OR3A2: variants seen among roughly 807,000 people sequenced by gnomAD.
OR3A2 encodes olfactory receptor family 3 subfamily A member 2, also known as olfactory receptor 3A2.
For missense variants in OR3A2, 318 were observed against 392.8 expected (o/e 0.81, Z 1.61); for synonymous variants, 126 against 159.3 (o/e 0.79, Z 1.57).
At position 3,297,243 on chromosome 17, in the gene OR3A2, C is replaced by T. The variant is rs143646739; in HGVS notation, c.-84-18090G>A. ...TGTATCACCCTCTGAGTCTAATCAT[C>T]GACTTAAAAATCATTCACTATAAAT... On this transcript the variant is annotated intron_variant, in intron 3 of 4. Transcript: ENST00000573491. 3.9e-5 allele frequency among the ~76,000 whole-genome samples: 6 copies of T among 152,234 alleles called. 1 individual carries two copies. In the East Asian group the frequency reaches 7.7e-4, roughly 20 times the overall value.
intron 3 of OR3A2, among the ~76,000 whole-genome samples, chr17:3,289,754 C>T (rs1170761778): frequency 1.3e-5 from 2 of 152,142 alleles, no homozygotes; most frequent in South Asian, 4.1e-4. Context: ...TCAAGCGTGT[C>T]GTGAATGAGA....
intron 3 of OR3A2, among the ~76,000 whole-genome samples, chr17:3,325,192 AG>A (rs2049160930): frequency 6.7e-6 from 1 of 148,216 alleles, no homozygotes; most frequent in Non-Finnish European, 1.5e-5. Flanking sequence ...TTGTGTTCAA[AG>A]ATCCTTCCAA....
chr17:3,281,022 C>T (rs781226958), intron 1 of OR3A2, among the ~76,000 whole-genome samples: 1 of 152,036 alleles, frequency 6.6e-6, no homozygotes, highest in Non-Finnish European at 1.5e-5. Flanking sequence ...AGCAAGAAGC[C>T]GGCATTATCA....
chr17:3,283,262 T>C (rs2048788186), intron 1 of OR3A2, among the ~76,000 whole-genome samples: 1 of 152,118 alleles, frequency 6.6e-6, no homozygotes, highest in Non-Finnish European at 1.5e-5. Context: ...TTTTGCTCTT[T>C]TTGCCCAGGC....
At chr17:3,285,737 G>A (rs1441445018), upstream of OR3A2, among the ~76,000 whole-genome samples, 6 of 152,150 alleles carry the variant, frequency 3.9e-5, no homozygotes, top group East Asian at 5.8e-4. Flanking sequence ...GCAGTGAGCC[G>A]TGATCGCACC....
upstream of OR3A2, among the ~76,000 whole-genome samples, chr17:3,287,181 T>C (rs1410946768): frequency 6.6e-6 from 1 of 152,198 alleles, no homozygotes; most frequent in Non-Finnish European, 1.5e-5. Context: ...GATGGGGACA[T>C]CACTCAAATA....
chr17:3,375,513 GCTGGTCTCAAA>G (rs1465901503), intron 2 of OR3A2, among the ~76,000 whole-genome samples: 1 of 151,742 alleles, frequency 6.6e-6, no homozygotes, highest in Non-Finnish European at 1.5e-5. Context: ...TGATGGTCAG[GCTGGTCTCAAA>G]CTCCTCACCT....
chr17:3,324,003 C>T (rs1334575874), intron 3 of OR3A2, among the ~76,000 whole-genome samples: 1 of 152,114 alleles, frequency 6.6e-6, no homozygotes, highest in Non-Finnish European at 1.5e-5. Flanking sequence ...ACCAATCAGA[C>T]ATAGATTTGG....
chr17:3,322,891 T>C (rs1175977740), intron 3 of OR3A2, among the ~76,000 whole-genome samples: 5 of 152,038 alleles, frequency 3.3e-5, no homozygotes, highest in African/African-American at 7.3e-5. Context: ...ATTAGGTCCG[T>C]TTGGTGCAGA....
intron 2 of OR3A2, among the ~76,000 whole-genome samples, chr17:3,360,431 A>G (rs1226381402): frequency 6.6e-6 from 1 of 151,582 alleles, no homozygotes; most frequent in Non-Finnish European, 1.5e-5. Flanking sequence ...ATTAGATCCC[A>G]GTTGTCAATT....
chr17:3,343,245 C>T (rs748709338), intron 2 of OR3A2, among the ~76,000 whole-genome samples: 6 of 152,218 alleles, frequency 3.9e-5, no homozygotes, highest in Non-Finnish European at 5.9e-5. Context: ...TGCTTCGGCT[C>T]ACCCTCTGTG....
intron 3 of OR3A2, among the ~76,000 whole-genome samples, chr17:3,309,097 G>T (rs1248736557): frequency 6.6e-6 from 1 of 151,994 alleles, no homozygotes; most frequent in East Asian, 1.9e-4. Flanking sequence ...GTAGAGACGG[G>T]GTTTCACCAT....
chr17:3,313,639 G>A (rs1232901622), intron 3 of OR3A2, among the ~76,000 whole-genome samples: 1 of 152,206 alleles, frequency 6.6e-6, no homozygotes, highest in Non-Finnish European at 1.5e-5. Context: ...AACCACGGGT[G>A]CTCACTTAGG....
chr17:3,330,608 C>G (rs2049223098), intron 3 of OR3A2, among the ~76,000 whole-genome samples: 1 of 152,010 alleles, frequency 6.6e-6, no homozygotes, highest in East Asian at 1.9e-4. Context: ...ATGTGTGTCT[C>G]TACACGTGAG....
Position 3,278,920 on chromosome 17 carries a change from G to C in OR3A2, c.-3C>G, listed in dbSNP as rs1375966662. On this transcript the variant is annotated 5_prime_UTR_variant, in exon 2 of 2. Coordinates refer to ENST00000642052, the Ensembl canonical transcript of OR3A2. ...TTGGTCCCAGCTTCTGGCTCCATGAGTTTCTGTAAGGACATGTCCCAGCAG... is the reference window on the plus strand; with the variant it reads ...TTGGTCCCAGCTTCTGGCTCCATGACTTTCTGTAAGGACATGTCCCAGCAG... 2.6e-6 allele frequency: 4 copies of C among 1,529,294 alleles called. No individual in the cohort carries two copies. In the African/African-American group the frequency reaches 4.2e-5, roughly 16 times the overall value. 94.7% of individuals were successfully genotyped at this position (1,529,294 alleles called of 1,614,324 possible). A position where few individuals can be genotyped will look rare whatever the true frequency, so the allele number is the denominator to read the frequency against.
chr17:3,319,319 C>A (rs982668220), intron 3 of OR3A2, among the ~76,000 whole-genome samples: 6 of 150,132 alleles, frequency 4.0e-5, no homozygotes, highest in Admixed American at 6.6e-5. Flanking sequence ...CCACATATAT[C>A]TCTCTTGCTG....
At chr17:3,276,482 A>C (rs1292904435), downstream of OR3A2, among the ~76,000 whole-genome samples, 1 of 152,264 alleles carries the variant, frequency 6.6e-6, no homozygotes, top group Non-Finnish European at 1.5e-5. Context: ...CCTACTTGAC[A>C]AAATAATATC....
intron 2 of OR3A2, among the ~76,000 whole-genome samples, chr17:3,343,347 C>T (rs992950786): frequency 1.1e-4 from 16 of 152,148 alleles, no homozygotes; most frequent in Non-Finnish European, 1.8e-4. Context: ...GTCGATCATG[C>T]TGGAAGCTGT....
chr17:3,313,198 C>T (rs1038671159), intron 3 of OR3A2, among the ~76,000 whole-genome samples: 3 of 152,198 alleles, frequency 2.0e-5, no homozygotes, highest in Admixed American at 1.3e-4. Context: ...CCTTCAGGCA[C>T]TTCCTGGACA....
Sources: gnomAD v4.1 joint callset for allele counts (sites outside exome capture counted in the v4.1 genomes callset) on GRCh38, gnomAD v4.1.1 for gene constraint, MANE v1.5 for transcripts, NCBI Gene and HGNC (gene_info 2026-07-23, HGNC 2026-07-21) for gene names.